FER: variants seen among roughly 807,000 people sequenced by gnomAD.
FER encodes tyrosine-protein kinase Fer.
In FER, 63 loss-of-function variants were observed where a neutral mutation model predicts 111.0. That is an observed-to-expected ratio of 0.57 (90% CI 0.46 to 0.70). FER has a LOEUF of 0.70. FER is among the 30% of genes least tolerant of loss of function. The pLI is 0.00. For missense variants in FER, 914 were observed against 954.0 expected, an observed-to-expected ratio of 0.96 and a Z score of 0.55; for synonymous variants, 327 against 313.9, an observed-to-expected ratio of 1.04 and a Z score of -0.44.
chr5:109,151,226 A>G (rs750091560), intron 17 of FER, among the ~76,000 whole-genome samples: 40 of 152,124 alleles, frequency 2.6e-4, no homozygotes, highest in Non-Finnish European at 5.1e-4. Context: ...ATATTTTTCT[A>G]CACATTACTT....
At chr5:108,866,782 A>T (rs527666970) in intron 5 of FER, among the ~76,000 whole-genome samples, 1 of 152,278 alleles carries the variant, frequency 6.6e-6, no homozygotes, top group South Asian at 2.1e-4. Flanking sequence ...TTATTTTCTG[A>T]GTCTACAATG....
intron 13 of FER, among the ~76,000 whole-genome samples, chr5:108,987,828 A>G (rs1561724475): frequency 6.6e-6 from 1 of 152,028 alleles, no homozygotes; most frequent in Non-Finnish European, 1.5e-5. Flanking sequence ...TTCCAGTACT[A>G]TGTTGAATGG....
At chr5:109,112,012 A>G (rs948081264) in intron 17 of FER, among the ~76,000 whole-genome samples, 3 of 152,176 alleles carry the variant, frequency 2.0e-5, no homozygotes, top group Non-Finnish European at 2.9e-5. Flanking sequence ...CCTGCTTATT[A>G]TGCTCTTAAA....
At chr5:109,035,694 G>A (rs563324007) in intron 13 of FER, among the ~76,000 whole-genome samples, 1 of 152,182 alleles carries the variant, frequency 6.6e-6, no homozygotes, top group East Asian at 1.9e-4. Flanking sequence ...TTAACTTTAT[G>A]AGAAACTTCC....
chr5:108,791,938 T>G lies in FER; in HGVS notation c.-59-6186T>G, dbSNP rs117277077. The stretch of plus-strand genomic sequence containing the variant: ...TCCCAGAACCAGTTGTTGAAAAGAC[T>G]TTTCTTTTCCAATGGAATGGACTTG... On this transcript the variant is annotated intron_variant, in intron 2 of 19. Coordinates refer to ENST00000281092, the MANE Select transcript of FER (RefSeq NM_005246.4). 1.7e-3 allele frequency among the ~76,000 whole-genome samples: 260 copies of G among 152,338 alleles called. 7 individuals are homozygous for G. In the East Asian group the frequency reaches 0.047, roughly 28 times the overall value.
At chr5:108,901,939 A>G (rs143686504) in intron 10 of FER, among the ~76,000 whole-genome samples, 94 of 152,358 alleles carry the variant, frequency 6.2e-4, no homozygotes, top group African/African-American at 2.2e-3. Flanking sequence ...TGACAGAGTG[A>G]GAGCCAGTCT....
chr5:109,196,671 T>G lies in FER; in HGVS notation c.*9096T>G, dbSNP rs1050272527. On this transcript the variant is annotated 3_prime_UTR_variant, in exon 20 of 20. Coordinates refer to ENST00000281092, the MANE Select transcript of FER (RefSeq NM_005246.4). ...ATACACTTTGAACTTTGGCTAACAT[T>G]GTAGGATATTTTTTAATTGTTTCTA... The G allele has an allele frequency of 8.5e-5, 13 of 152,192 alleles. No individual in the cohort carries two copies. Among genetic ancestry groups the G allele is most frequent in the Non-Finnish European group, 1.6e-4 (11 of 68,032 alleles). 9.4% of individuals were successfully genotyped at this position (152,192 alleles called of 1,614,324 possible). A position where few individuals can be genotyped will look rare whatever the true frequency, so the allele number is the denominator to read the frequency against.
At chr5:108,926,403 A>G (rs1325433190) in intron 10 of FER, among the ~76,000 whole-genome samples, 1 of 152,040 alleles carries the variant, frequency 6.6e-6, no homozygotes, top group Non-Finnish European at 1.5e-5. Flanking sequence ...CAGTTTTATT[A>G]TTTTTCTCAT....
chr5:108,907,242 T>G (rs531830284), intron 10 of FER, among the ~76,000 whole-genome samples: 118 of 152,164 alleles, frequency 7.8e-4, no homozygotes, highest in African/African-American at 2.6e-3. Context: ...TCTTCCACCT[T>G]TTTCCTCCCT....
chr5:109,171,545 G>A (rs73779051), intron 17 of FER, among the ~76,000 whole-genome samples: 27,220 of 151,996 alleles, frequency 0.18, 2,560 homozygotes, highest in Non-Finnish European at 0.2. Context: ...TTATCATGAC[G>A]GCTATTCAGT....
At chr5:108,986,620 G>A (rs1007747976) in intron 13 of FER, among the ~76,000 whole-genome samples, 1 of 151,996 alleles carries the variant, frequency 6.6e-6, no homozygotes, top group Admixed American at 6.6e-5. Flanking sequence ...GTTGATTTTG[G>A]TATAAGGTGA....
intron 16 of FER, among the ~76,000 whole-genome samples, chr5:109,072,246 C>A (rs1775855701): frequency 6.6e-6 from 1 of 151,434 alleles, no homozygotes; most frequent in Non-Finnish European, 1.5e-5. Context: ...AAACCTCTTT[C>A]TATTCTATGC....
At chr5:108,927,693 A>T (rs1753979489) in intron 10 of FER, among the ~76,000 whole-genome samples, 1 of 152,160 alleles carries the variant, frequency 6.6e-6, no homozygotes, top group African/African-American at 2.4e-5. Context: ...ACTTCTGTTC[A>T]TTCCTCCTTA....
intron 3 of FER, among the ~76,000 whole-genome samples, chr5:108,812,783 C>T (rs1757900366): frequency 6.6e-6 from 1 of 151,956 alleles, no homozygotes; most frequent in Non-Finnish European, 1.5e-5. Context: ...CTATAACTTA[C>T]TATAAGTCTG....
At chr5:108,770,835 T>C (rs1469732890) in intron 2 of FER, among the ~76,000 whole-genome samples, 1 of 152,218 alleles carries the variant, frequency 6.6e-6, no homozygotes, top group African/African-American at 2.4e-5. Context: ...AGGATTGATA[T>C]TTCAGGTGCA....
At chr5:109,043,247 C>T (rs144381836) in intron 14 of FER, among the ~76,000 whole-genome samples, 60 of 152,256 alleles carry the variant, frequency 3.9e-4, no homozygotes, top group African/African-American at 1.4e-3. Flanking sequence ...GGAGGCCCAG[C>T]AGTAATCATG....
chr5:109,169,385 G>T (rs943823233), intron 17 of FER, among the ~76,000 whole-genome samples: 18 of 151,982 alleles, frequency 1.2e-4, no homozygotes, highest in Admixed American at 4.6e-4. Context: ...TTATAAAATA[G>T]ACCTGTATTC....
chr5:109,114,899 TAAAATGAAGGTCTTGTTTTACC>T (rs887773368), intron 17 of FER, among the ~76,000 whole-genome samples: 1 of 152,100 alleles, frequency 6.6e-6, no homozygotes, highest in African/African-American at 2.4e-5. Flanking sequence ...TGTTATCTTC[TAAAATGAAGGTCTTGTTTTACC>T]AACTACTTTT....
chr5:108,866,384 G>A (rs574214164), intron 5 of FER, among the ~76,000 whole-genome samples: 88 of 152,184 alleles, frequency 5.8e-4, no homozygotes, highest in African/African-American at 1.9e-3. Flanking sequence ...GTATTGAACA[G>A]TGAGAACACA....
Sources: allele counts gnomAD v4.1 joint callset (sites outside exome capture counted in the v4.1 genomes callset), GRCh38; gene constraint gnomAD v4.1.1; transcripts MANE v1.5; gene names NCBI Gene and HGNC (gene_info 2026-07-23, HGNC 2026-07-21).